LONRF2: variants seen among roughly 807,000 people sequenced by gnomAD.
LONRF2 encodes the protein LON peptidase N-terminal domain and RING finger protein 2.
In LONRF2, 35 loss-of-function variants were observed where a neutral mutation model predicts 66.6. The ratio of observed to expected loss-of-function variants is 0.53; its 90% CI spans 0.40 to 0.70. The LOEUF (loss-of-function observed/expected upper bound fraction) is 0.70, where lower values mean the gene tolerates loss of function less well. LONRF2 is among the 30% of genes least tolerant of loss of function. The pLI, the probability that LONRF2 is intolerant of heterozygous loss-of-function variation, is 0.00. For missense variants in LONRF2, 902 were observed against 1,002.1 expected (o/e 0.90, Z 1.35); for synonymous variants, 417 against 418.1 (o/e 1.00, Z 0.03).
intron 2 of LONRF2, among the ~76,000 whole-genome samples, chr2:100,304,606 G>C (rs1675251950): frequency 6.7e-6 from 1 of 148,506 alleles, no homozygotes; most frequent in Admixed American, 6.7e-5. Context: ...GGCCCACTCA[G>C]AGACAATTTT....
At chr2:100,290,041 A>G (rs1186927024) in intron 10 of LONRF2, among the ~76,000 whole-genome samples, 1 of 152,194 alleles carries the variant, frequency 6.6e-6, no homozygotes, top group African/African-American at 2.4e-5. Flanking sequence ...TGGGAGGTCA[A>G]GGCTGCAGTG....
At position 100,274,042 on chromosome 2, in the gene LONRF2, G is replaced by C. The variant is rs896730398; in HGVS notation, c.*10256C>G. The stretch of plus-strand genomic sequence containing the variant: ...GAAAATACTATGGTAAATAACGAAG[G>C]CCCCAATGCAATTTTTGAAAATGAT... On this transcript the variant is annotated 3_prime_UTR_variant, in exon 12 of 12. Coordinates refer to ENST00000393437, the MANE Select transcript of LONRF2 (RefSeq NM_198461.4). 1 of 152,026 alleles carries C rather than the reference G, an allele frequency of 6.6e-6. No homozygotes were observed. The highest frequency in any genetic ancestry group is 2.4e-5 in the African/African-American group (1 of 41,390). 9.4% of individuals were successfully genotyped at this position (152,026 alleles called of 1,614,324 possible). A position where few individuals can be genotyped will look rare whatever the true frequency, so the allele number is the denominator to read the frequency against.
intron 4 of LONRF2, 92 bp downstream of exon 4, chr2:100,300,552 C>T: frequency 4.0e-6 from 5 of 1,263,530 alleles, no homozygotes; most frequent in African/African-American, 1.5e-5. Flanking sequence ...AACATAATGC[C>T]ATAATGTGTG....
intron 10 of LONRF2, among the ~76,000 whole-genome samples, 177 bp from the exon 11 acceptor site, chr2:100,287,240 A>G (rs1490920378): frequency 6.6e-6 from 1 of 152,184 alleles, no homozygotes; most frequent in African/African-American, 2.4e-5. Flanking sequence ...GCATAGTTGA[A>G]ATCTATCAAT....
At chr2:100,294,473 C>A in intron 8 of LONRF2, 86 bp from the exon 9 acceptor site, 2 of 1,275,296 alleles carry the variant, frequency 1.6e-6, no homozygotes, top group Non-Finnish European at 1.1e-6. Context: ...CAAAAGCCAG[C>A]CAACCTCAGT....
rs768325258 is a variant in LONRF2, at chr2:100,281,611, G to C, written c.*2687C>G. 2.6e-5 allele frequency: 4 copies of C among 152,038 alleles called. No individual in the cohort carries two copies. The highest frequency in any genetic ancestry group is 4.4e-5 in the Non-Finnish European group (3 of 68,010). 9.4% of individuals were successfully genotyped at this position (152,038 alleles called of 1,614,324 possible). On this transcript the variant is annotated 3_prime_UTR_variant, in exon 12 of 12. Transcript: ENST00000393437. ...TTTGGGCGATGAATGGAAAAATACA[G>C]AACAGCATGTATTGTTCCTCAAGAA...
chr2:100,301,142 C>T (rs1415261494), intron 3 of LONRF2, among the ~76,000 whole-genome samples: 1 of 152,180 alleles, frequency 6.6e-6, no homozygotes, highest in Non-Finnish European at 1.5e-5. Context: ...TAAATCTAAG[C>T]TGTGATCACC....
chr2:100,303,919 T>C (rs1200197664), intron 2 of LONRF2, among the ~76,000 whole-genome samples: 1 of 152,166 alleles, frequency 6.6e-6, no homozygotes, highest in African/African-American at 2.4e-5. Flanking sequence ...TTTTCTGTCT[T>C]CTTCTGAGAT....
rs1270226785 is a variant in LONRF2, at chr2:100,321,799, C to T, written c.295G>A (p.Ala99Thr). The change falls in exon 1 of 12, where the codon GCG (alanine) becomes ACG (threonine). Residue 99 changes from alanine (A) to threonine (T), a missense_variant. By Grantham distance (58) the Ala-to-Thr change is moderately conservative. This residue lies in a region of LONRF2 where 585 missense variants were observed against 569.9 expected (regional missense o/e 1.03). Transcript: ENST00000393437. ...CCCACGGCGCGCACCAGGCCGCCCGCCAGCTCTTCCAGCTCCTCCGGCCGC... is the reference window on the plus strand; with the variant it reads ...CCCACGGCGCGCACCAGGCCGCCCGTCAGCTCTTCCAGCTCCTCCGGCCGC... ...ALRPEELEEL[A>T]GGLVRAVGLR... 7.5e-6 allele frequency: 8 copies of T among 1,073,482 alleles called. No individual in the cohort carries two copies. The South Asian group carries it at 1.5e-4, about 20-fold the overall frequency. 66.5% of individuals were successfully genotyped at this position (1,073,482 alleles called of 1,614,324 possible). A position where few individuals can be genotyped will look rare whatever the true frequency, so the allele number is the denominator to read the frequency against.
intron 11 of LONRF2, among the ~76,000 whole-genome samples, 165 bp from the exon 12 acceptor site, chr2:100,284,657 T>A (rs1270636063): frequency 6.6e-6 from 1 of 152,272 alleles, no homozygotes; most frequent in Non-Finnish European, 1.5e-5. Context: ...CATAGTTTAC[T>A]TTTATGGTAC....
rs191967477 is a variant in LONRF2 at position 100,296,551 on chromosome 2, G to A, written c.1477-998C>T. The stretch of plus-strand genomic sequence containing the variant: ...TATTTCCAACACACCATGGCTGGGT[G>A]AGTCCTTCGCATACTGCCAGGTTTC... On this transcript the variant is annotated intron_variant, in intron 7 of 11. Coordinates refer to ENST00000393437, the MANE Select transcript of LONRF2 (RefSeq NM_198461.4). Among the ~76,000 whole-genome samples the A allele has an allele frequency of 4.3e-4, 65 of 152,238 alleles. No individual in the cohort carries two copies. The Middle Eastern group carries it at 0.01, about 24-fold the overall frequency.
At position 100,305,500 on chromosome 2, in the gene LONRF2, G is replaced by A. The variant is rs1382275918; in HGVS notation, c.799-2457C>T. ...GTCTATTTTCAGGTCCTGTCTTACT[G>A]CACTTCTCTCTCCATTGTTTGAAAT... On this transcript the variant is annotated intron_variant, in intron 2 of 11. Transcript: ENST00000393437. Among the ~76,000 whole-genome samples, 10 of 152,150 alleles carry A rather than the reference G, an allele frequency of 6.6e-5. No individual in the cohort carries two copies. In the South Asian group the frequency reaches 8.3e-4, roughly 13 times the overall value.
intron 1 of LONRF2, among the ~76,000 whole-genome samples, chr2:100,313,172 G>A (rs1005578412): frequency 2.0e-4 from 30 of 152,312 alleles, no homozygotes; most frequent in Non-Finnish European, 2.9e-5. Flanking sequence ...GTGCAGTGGT[G>A]AGAAATGGAG....
chr2:100,302,390 A>G (rs557628975), intron 3 of LONRF2, among the ~76,000 whole-genome samples: 2 of 152,362 alleles, frequency 1.3e-5, no homozygotes, highest in South Asian at 2.1e-4. Flanking sequence ...GTGTTAAAAC[A>G]GGGAAGCGCA....
rs1274609591 is a variant in LONRF2 at position 100,283,140 on chromosome 2, C to T, written c.*1158G>A. 1 of 152,136 alleles carries T rather than the reference C, an allele frequency of 6.6e-6. No homozygotes were observed. The allele number at this position is 152,136 out of a possible 1,614,324, so 9.4% of individuals were successfully genotyped here. On this transcript the variant is annotated 3_prime_UTR_variant, in exon 12 of 12. Transcript: ENST00000393437. ...CAGTTATTCCAATCAATATCACCAA[C>T]GTGCATTACAGGATGGAAGTCATAC...
chr2:100,285,929 T>C (rs1674836350), intron 11 of LONRF2, among the ~76,000 whole-genome samples: 1 of 152,118 alleles, frequency 6.6e-6, no homozygotes, highest in Non-Finnish European at 1.5e-5. Context: ...TAGAGATTGA[T>C]TAATTTGGTT....
intron 11 of LONRF2, among the ~76,000 whole-genome samples, chr2:100,285,421 G>GA (rs938040179): frequency 1.2e-4 from 19 of 152,082 alleles, no homozygotes; most frequent in Non-Finnish European, 7.4e-5. Flanking sequence ...CACAGAGAAA[G>GA]AAAAAAACTG....
At chr2:100,291,195 T>C (rs959508598) in intron 9 of LONRF2, among the ~76,000 whole-genome samples, 5 of 151,664 alleles carry the variant, frequency 3.3e-5, no homozygotes, top group South Asian at 2.1e-4. Context: ...TTTAAACAAA[T>C]TGCCAATGAC....
intron 2 of LONRF2, among the ~76,000 whole-genome samples, chr2:100,307,354 T>C (rs1675319645): frequency 6.6e-6 from 1 of 152,214 alleles, no homozygotes; most frequent in African/African-American, 2.4e-5. Flanking sequence ...CACTAAATAT[T>C]CATTTGCTGC....
Sources: allele counts gnomAD v4.1 joint callset (sites outside exome capture counted in the v4.1 genomes callset), GRCh38; gene constraint gnomAD v4.1.1; regional missense constraint gnomAD v4.1.1; transcripts MANE v1.5; gene names NCBI Gene and HGNC (gene_info 2026-07-23, HGNC 2026-07-21).